MRPS33: variants seen among roughly 807,000 people sequenced by gnomAD.
MRPS33 encodes mitochondrial ribosomal protein S33, also known as small ribosomal subunit protein mS33.
Under a neutral mutation model 11.2 loss-of-function variants are expected in MRPS33, and 11 were observed. The ratio of observed to expected loss-of-function variants is 0.99; its 90% CI spans 0.62 to 1.63. The LOEUF (loss-of-function observed/expected upper bound fraction) is 1.63. MRPS33 is among the 40% of genes most tolerant of loss of function. The pLI is 0.00. For missense variants in MRPS33, 109 were observed against 127.8 expected (o/e 0.85, Z 0.71); for synonymous variants, 46 against 44.0 (o/e 1.05, Z -0.18).
At chr7:141,006,738 G>T (rs1820541433) in intron 2 of MRPS33, among the ~76,000 whole-genome samples, 1 of 152,128 alleles carries the variant, frequency 6.6e-6, no homozygotes, top group Non-Finnish European at 1.5e-5. Context: ...TCACTTGTAA[G>T]TCCGTTTCCC....
At chr7:141,014,657 C>T (rs905807354) in intron 1 of MRPS33, 1 of 152,208 alleles carries the variant, frequency 6.6e-6, no homozygotes, top group Non-Finnish European at 1.5e-5. Flanking sequence ...CTACTGTTAA[C>T]CAATATGGAA....
intron 1 of MRPS33, chr7:141,014,254 C>T (rs186449770): frequency 8.5e-5 from 13 of 152,246 alleles, no homozygotes; most frequent in Admixed American, 4.6e-4. Flanking sequence ...CCATCAGGAT[C>T]CAAGGAATTC....
rs201309573 is a variant in MRPS33 at position 141,010,562 on chromosome 7, C to T, written c.72G>A (p.Arg24=). 1.2e-6 allele frequency: 2 copies of T among 1,614,132 alleles called. No homozygotes were observed. The highest frequency in any genetic ancestry group is 8.5e-7 in the Non-Finnish European group (1 of 1,180,034). The change falls in exon 2 of 3, where the codon AGG becomes AGA. Residue 24 remains arginine (R), a synonymous_variant. Transcript: ENST00000324787. The part of the protein sequence containing the change: ...LSARLFGEVT[R]PTNSKSMKVV... Reference sequence around the variant, plus strand: ...CTTTCATAGACTTGGAATTAGTAGGCCTGGTGACTTCACCAAATAGCCGGG... The same window carrying T: ...CTTTCATAGACTTGGAATTAGTAGGTCTGGTGACTTCACCAAATAGCCGGG...
chr7:141,011,120 A>G (rs558573270), intron 1 of MRPS33, among the ~76,000 whole-genome samples: 2 of 152,308 alleles, frequency 1.3e-5, no homozygotes, highest in African/African-American at 4.8e-5. Context: ...TGTCTTTACT[A>G]TCAGTCCTTT....
chr7:141,006,804 C>G (rs1820543712), intron 2 of MRPS33, among the ~76,000 whole-genome samples: 1 of 152,148 alleles, frequency 6.6e-6, no homozygotes. Flanking sequence ...CCTACATAAA[C>G]CTACATAACA....
At chr7:141,009,370 G>T (rs1820615671) in intron 2 of MRPS33, among the ~76,000 whole-genome samples, 1 of 151,864 alleles carries the variant, frequency 6.6e-6, no homozygotes, top group South Asian at 2.1e-4. Flanking sequence ...GACCTCAGAT[G>T]ATCTGTCTGC....
At chr7:141,007,102 C>T (rs548298702) in intron 2 of MRPS33, among the ~76,000 whole-genome samples, 3 of 152,014 alleles carry the variant, frequency 2.0e-5, no homozygotes, top group Admixed American at 6.6e-5. Flanking sequence ...GCCAGGACTA[C>T]GTAAGTATGT....
intron 1 of MRPS33, chr7:141,014,548 T>TA (rs1430669164): frequency 6.6e-6 from 1 of 152,222 alleles, no homozygotes; most frequent in Non-Finnish European, 1.5e-5. Flanking sequence ...AATATCACCT[T>TA]ACCGTATTTT....
intron 1 of MRPS33, 67 bp from the exon 2 acceptor site, chr7:141,010,727 G>T: frequency 8.2e-7 from 1 of 1,215,176 alleles, no homozygotes; most frequent in Non-Finnish European, 1.2e-6. Context: ...TAATGAATAA[G>T]TTAGAAAATG....
intron 1 of MRPS33, among the ~76,000 whole-genome samples, chr7:141,014,191 C>T (rs1309332931): frequency 1.3e-5 from 2 of 152,194 alleles, no homozygotes; most frequent in Non-Finnish European, 2.9e-5. Flanking sequence ...GTCATACTAT[C>T]TGCGATGTGA....
rs1284074498 is a variant in MRPS33 at position 141,004,660 on chromosome 7, TTA to T, written c.*1768_*1769del. ...TTAAATATGGTTAAGATCATTAATTTTATGTTTTTACTACAATAATAAAAAGT... is the reference window on the plus strand; with the variant it reads ...TTAAATATGGTTAAGATCATTAATTTTGTTTTTACTACAATAATAAAAAGT... On this transcript the variant is annotated 3_prime_UTR_variant, in exon 3 of 3. Transcript: ENST00000324787. 1.3e-5 allele frequency: 2 copies of T among 152,262 alleles called. No homozygotes were observed. Among genetic ancestry groups the T allele is most frequent in the Non-Finnish European group, 2.9e-5 (2 of 68,044 alleles). 9.4% of individuals were successfully genotyped at this position (152,262 alleles called of 1,614,324 possible).
intron 2 of MRPS33, among the ~76,000 whole-genome samples, chr7:141,008,243 TAA>T (rs1329120876): frequency 1.3e-5 from 2 of 152,196 alleles, no homozygotes; most frequent in Non-Finnish European, 2.9e-5. Flanking sequence ...CAAAGATAGT[TAA>T]GTCTTTATTT....
chr7:141,007,276 A>G (rs911846130), intron 2 of MRPS33, among the ~76,000 whole-genome samples: 1 of 152,144 alleles, frequency 6.6e-6, no homozygotes, highest in Non-Finnish European at 1.5e-5. Context: ...GTCACCTTGG[A>G]TAAGTGGCCT....
intron 1 of MRPS33, chr7:141,014,395 T>G (rs1350540651): frequency 1.3e-5 from 2 of 152,100 alleles, no homozygotes; most frequent in African/African-American, 4.8e-5. Flanking sequence ...GCACTGAAAA[T>G]GTATTAGCTG....
intron 2 of MRPS33, 65 bp from the exon 3 acceptor site, chr7:141,006,600 G>T: frequency 1.6e-6 from 2 of 1,261,234 alleles, no homozygotes; most frequent in Non-Finnish European, 2.3e-6. Context: ...CACTAATCTA[G>T]CACGCACTGC....
chr7:141,006,633 C>T (rs778234229), intron 2 of MRPS33, 98 bp from the exon 3 acceptor site: 129 of 1,003,056 alleles, frequency 1.3e-4, no homozygotes, highest in Non-Finnish European at 1.8e-4. Context: ...TTCTGGTTAT[C>T]GATCTTTGAC....
At chr7:141,007,779 G>C (rs1820569692) in intron 2 of MRPS33, among the ~76,000 whole-genome samples, 1 of 152,104 alleles carries the variant, frequency 6.6e-6, no homozygotes, top group African/African-American at 2.4e-5. Flanking sequence ...GGCTGACCCT[G>C]ACTGTCCTGT....
rs1323467578 is a variant in MRPS33 at position 141,002,771 on chromosome 7, T to G, written c.*3659A>C. 9 of 163,088 alleles carry G rather than the reference T, an allele frequency of 5.5e-5. No individual in the cohort carries two copies. The highest frequency in any genetic ancestry group is 5.4e-4 in the Admixed American group (9 of 16,668). The allele number at this position is 163,088 out of a possible 1,614,324, so 10.1% of individuals were successfully genotyped here. On this transcript the variant is annotated 3_prime_UTR_variant, in exon 3 of 3. Transcript: ENST00000324787. ...ATGGAGCCCATAATTACATAAATAA[T>G]AAGATGTTACCTCTCATCTACCTCC...
At chr7:141,007,881 C>T (rs1820572510) in intron 2 of MRPS33, among the ~76,000 whole-genome samples, 1 of 152,194 alleles carries the variant, frequency 6.6e-6, no homozygotes. Flanking sequence ...TTTTCCACAG[C>T]ATGTTCAACT....
Sources: allele counts gnomAD v4.1 joint callset (sites outside exome capture counted in the v4.1 genomes callset), GRCh38; gene constraint gnomAD v4.1.1; transcripts MANE v1.5; gene names NCBI Gene and HGNC (gene_info 2026-07-23, HGNC 2026-07-21).